The following HUNK variants were observed in gnomAD, a reference collection of about 807,000 sequenced individuals.
HUNK encodes hormonally up-regulated neu tumor-associated kinase.
In HUNK, 21 loss-of-function variants were observed where a neutral mutation model predicts 61.0. The observed-to-expected ratio is 0.34, with a 90% CI of 0.24 to 0.50. HUNK has a LOEUF of 0.50. Among genes scored for constraint, HUNK ranks in the 20% least tolerant of loss-of-function variants. HUNK has a pLI of 0.98. For missense variants in HUNK, 772 were observed against 945.7 expected, an observed-to-expected ratio of 0.82 and a Z score of 2.41; for synonymous variants, 371 against 386.1, an observed-to-expected ratio of 0.96 and a Z score of 0.46.
At chr21:31,897,835 G>T (rs1047314256) in intron 1 of HUNK, among the ~76,000 whole-genome samples, 13 of 152,182 alleles carry the variant, frequency 8.5e-5, no homozygotes, top group African/African-American at 2.9e-4. Flanking sequence ...GGCTTTGGGT[G>T]GAGGGTGCTG....
At chr21:31,930,544 T>C (rs1489040080) in intron 2 of HUNK, among the ~76,000 whole-genome samples, 2 of 152,224 alleles carry the variant, frequency 1.3e-5, no homozygotes, top group African/African-American at 4.8e-5. Context: ...CCCCTGGCCA[T>C]AGACTCTCAG....
chr21:31,905,155 T>A (rs183613230), intron 1 of HUNK, among the ~76,000 whole-genome samples: 1 of 151,624 alleles, frequency 6.6e-6, no homozygotes, highest in Non-Finnish European at 1.5e-5. Context: ...GGTGTCTTTA[T>A]AAGAAGAGGA....
chr21:31,919,240 G>C (rs1379421353), intron 1 of HUNK, among the ~76,000 whole-genome samples: 3 of 150,836 alleles, frequency 2.0e-5, no homozygotes, highest in Non-Finnish European at 4.4e-5. Flanking sequence ...TGAGGATGAG[G>C]GGCTGGATGG....
At chr21:31,965,798 C>T (rs953008376) in intron 5 of HUNK, among the ~76,000 whole-genome samples, 14 of 151,916 alleles carry the variant, frequency 9.2e-5, no homozygotes, top group Non-Finnish European at 2.1e-4. Context: ...GACGGGGTTT[C>T]GCCATGTTGA....
chr21:31,926,495 C>G (rs1165500188), intron 2 of HUNK, among the ~76,000 whole-genome samples: 1 of 152,102 alleles, frequency 6.6e-6, no homozygotes, highest in Admixed American at 6.5e-5. Flanking sequence ...TTACCAGTCA[C>G]TCCCCATTTC....
chr21:31,959,280 G>T (rs115773581), intron 5 of HUNK, among the ~76,000 whole-genome samples: 3,585 of 152,170 alleles, frequency 0.024, 131 homozygotes, highest in African/African-American at 0.08. Context: ...ATGATTGCAG[G>T]CTTGATTGTT....
At chr21:31,942,597 T>C (rs932139392) in intron 3 of HUNK, among the ~76,000 whole-genome samples, 4 of 152,122 alleles carry the variant, frequency 2.6e-5, no homozygotes, top group African/African-American at 9.7e-5. Context: ...CCCCTTCCCC[T>C]CTTGCTGCAT....
Position 31,902,622 on chromosome 21 carries a change from T to C in HUNK, c.262-21846T>C, listed in dbSNP as rs150476762. ...CTTATTCAATGAAACTAGTCCCAGTTGGAGGTTTATATGGCTTCATGCTGT... is the reference window on the plus strand; with the variant it reads ...CTTATTCAATGAAACTAGTCCCAGTCGGAGGTTTATATGGCTTCATGCTGT... On this transcript the variant is annotated intron_variant, in intron 1 of 10. Coordinates refer to ENST00000270112, the MANE Select transcript of HUNK (RefSeq NM_014586.2). Among the ~76,000 whole-genome samples, 58 of 152,294 alleles carry C rather than the reference T, an allele frequency of 3.8e-4. 1 individual carries two copies. In the Middle Eastern group the frequency reaches 0.014, roughly 36 times the overall value.
At chr21:31,902,828 T>C (rs1329035870) in intron 1 of HUNK, among the ~76,000 whole-genome samples, 3 of 152,220 alleles carry the variant, frequency 2.0e-5, no homozygotes, top group Non-Finnish European at 4.4e-5. Flanking sequence ...GTTGCCTACA[T>C]TTATTTATTG....
At chr21:31,970,456 T>C (rs1479796363) in intron 6 of HUNK, among the ~76,000 whole-genome samples, 1 of 152,168 alleles carries the variant, frequency 6.6e-6, no homozygotes, top group African/African-American at 2.4e-5. Flanking sequence ...AACAGCTCGA[T>C]GTGGGCCAGG....
intron 1 of HUNK, among the ~76,000 whole-genome samples, chr21:31,883,837 A>T (rs1208681704): frequency 6.6e-6 from 1 of 152,182 alleles, no homozygotes; most frequent in African/African-American, 2.4e-5. Context: ...TCTGCAGATT[A>T]CTGGGCTGAG....
intron 1 of HUNK, among the ~76,000 whole-genome samples, chr21:31,911,508 G>A (rs1275907122): frequency 6.6e-6 from 1 of 152,208 alleles, no homozygotes; most frequent in Non-Finnish European, 1.5e-5. Flanking sequence ...AGCCGAGGGA[G>A]CCGTGGGCTG....
At chr21:31,973,426 G>T (rs573954873) in intron 6 of HUNK, among the ~76,000 whole-genome samples, 4 of 152,196 alleles carry the variant, frequency 2.6e-5, no homozygotes, top group African/African-American at 9.6e-5. Context: ...CTGTCCTTGC[G>T]ATAGTTTGTT....
At chr21:31,932,074 C>T (rs2052701889) in intron 2 of HUNK, among the ~76,000 whole-genome samples, 2 of 152,236 alleles carry the variant, frequency 1.3e-5, no homozygotes, top group South Asian at 4.1e-4. Context: ...CACACGTACA[C>T]TCATGCTCTC....
At chr21:31,949,575 G>GCGCACA (rs1555879246) in intron 4 of HUNK, among the ~76,000 whole-genome samples, 188 of 150,612 alleles carry the variant, frequency 1.2e-3, no homozygotes, top group African/African-American at 4.3e-3. Context: ...AAGAATTTGT[G>GCGCACA]CACACACACA....
intron 8 of HUNK, among the ~76,000 whole-genome samples, chr21:31,985,876 C>T (rs2053129192): frequency 2.0e-5 from 3 of 152,136 alleles, no homozygotes; most frequent in South Asian, 4.1e-4. Context: ...AGAACATGAC[C>T]TCGATAGAAG....
intron 2 of HUNK, among the ~76,000 whole-genome samples, chr21:31,933,779 T>C (rs1329271036): frequency 1.5e-5 from 2 of 137,280 alleles, no homozygotes; most frequent in Admixed American, 7.1e-5. Flanking sequence ...AGCAAGACTC[T>C]GTCTCAAAAA....
chr21:31,980,228 T>C (rs13046265), intron 7 of HUNK, among the ~76,000 whole-genome samples: 36,326 of 151,784 alleles, frequency 0.24, 4,521 homozygotes, highest in Non-Finnish European at 0.28. Flanking sequence ...TGCACCACCA[T>C]GCCCAGCAAA....
chr21:31,938,567 G>T (rs77543837), intron 2 of HUNK, among the ~76,000 whole-genome samples: 1 of 152,296 alleles, frequency 6.6e-6, no homozygotes, highest in East Asian at 1.9e-4. Flanking sequence ...AGACATTGAC[G>T]TAGTGTATCA....
Sources: allele counts gnomAD v4.1 joint callset (sites outside exome capture counted in the v4.1 genomes callset), GRCh38; gene constraint gnomAD v4.1.1; transcripts MANE v1.5; gene names NCBI Gene and HGNC (gene_info 2026-07-23, HGNC 2026-07-21).